ETFA: variants seen among roughly 807,000 people sequenced by gnomAD.
ETFA encodes the protein electron transfer flavoprotein subunit alpha.
ETFA carries 22 observed loss-of-function variants against 46.2 expected under a neutral mutation model. The observed-to-expected ratio is 0.48, with a 90% CI of 0.34 to 0.68. The LOEUF is 0.68. Ranked by LOEUF, ETFA falls within the 30% of genes least tolerant of loss-of-function variation. The pLI, the probability that ETFA is intolerant of heterozygous loss-of-function variation, is 0.01. For synonymous variants in ETFA, 131 were observed against 139.9 expected (o/e 0.94, Z 0.45); for missense variants, 345 against 401.1 (o/e 0.86, Z 1.19).
chr15:76,284,440 C>A, intron 7 of ETFA: 1 of 208,380 alleles, frequency 4.8e-6, no homozygotes, highest in South Asian at 7.7e-5. Context: ...GCCTGACCAA[C>A]ATGCAGAACC....
chr15:76,225,697 G>A, intron 11 of ETFA, 152 bp downstream of exon 11: 1 of 691,152 alleles, frequency 1.4e-6, no homozygotes, highest in Non-Finnish European at 2.6e-6. Flanking sequence ...CTTTAAGTAG[G>A]TCAAAATTGT....
chr15:76,245,099 A>G (rs550482248), intron 9 of ETFA: 1 of 152,334 alleles, frequency 6.6e-6, no homozygotes, highest in East Asian at 1.9e-4. Flanking sequence ...TATATATACA[A>G]ACCACAGTTT....
intron 4 of ETFA, among the ~76,000 whole-genome samples, chr15:76,288,643 C>T (rs961163629): frequency 1.3e-5 from 2 of 148,956 alleles, no homozygotes; most frequent in African/African-American, 5.0e-5. Flanking sequence ...ACCTGGGAGG[C>T]GGAGGTTGCA....
intron 11 of ETFA, among the ~76,000 whole-genome samples, chr15:76,218,806 T>TC (rs1452133906): frequency 4.6e-5 from 7 of 152,172 alleles, no homozygotes; most frequent in Non-Finnish European, 1.0e-4. Context: ...CAAGTATGTT[T>TC]CACTCATTCA....
At chr15:76,262,474 C>CTT (rs60480510) in intron 9 of ETFA, among the ~76,000 whole-genome samples, 28,065 of 84,630 alleles carry the variant, frequency 0.33, 8,172 homozygotes, top group Non-Finnish European at 0.46. Flanking sequence ...ATCAAACCCC[C>CTT]TTTTTTTTTT....
At chr15:76,275,093 G>C (rs1360094731) in intron 8 of ETFA, among the ~76,000 whole-genome samples, 1 of 152,042 alleles carries the variant, frequency 6.6e-6, no homozygotes, top group Admixed American at 6.5e-5. Flanking sequence ...CCACTATCTT[G>C]AGTCAGCCAG....
At chr15:76,285,338 T>C (rs1483380401) in intron 7 of ETFA, among the ~76,000 whole-genome samples, 2 of 152,166 alleles carry the variant, frequency 1.3e-5, no homozygotes. Context: ...AAGCCAACCA[T>C]ACTCTGCAGA....
chr15:76,291,839 C>CAG (rs1034796801), intron 4 of ETFA, among the ~76,000 whole-genome samples: 1 of 152,066 alleles, frequency 6.6e-6, no homozygotes, highest in Non-Finnish European at 1.5e-5. Flanking sequence ...CCCACGGCCA[C>CAG]AGAGAGAGAG....
intron 1 of ETFA, among the ~76,000 whole-genome samples, 162 bp downstream of exon 1, chr15:76,311,188 G>A (rs1255569386): frequency 6.6e-6 from 1 of 152,216 alleles, no homozygotes; most frequent in Non-Finnish European, 1.5e-5. Context: ...AGGGAGTCCA[G>A]GGTAGGCCCC....
intron 9 of ETFA, among the ~76,000 whole-genome samples, chr15:76,249,302 A>G (rs2039273337): frequency 6.6e-6 from 1 of 151,534 alleles, no homozygotes; most frequent in South Asian, 2.1e-4. Flanking sequence ...CTAATTTTGT[A>G]TTTTTAGTAG....
At chr15:76,250,346 A>G (rs947669805) in intron 9 of ETFA, among the ~76,000 whole-genome samples, 2 of 152,086 alleles carry the variant, frequency 1.3e-5, no homozygotes, top group African/African-American at 4.8e-5. Context: ...TAACATTTGT[A>G]TGGTACACGA....
At chr15:76,270,917 C>A (rs950949622) in intron 9 of ETFA, among the ~76,000 whole-genome samples, 3 of 152,096 alleles carry the variant, frequency 2.0e-5, no homozygotes, top group African/African-American at 7.2e-5. Context: ...TGCTTGTAAT[C>A]CCAGCACTTT....
rs1332468827 is a variant in ETFA at position 76,292,680 on chromosome 15, T to C, written c.207A>G (p.Lys69=). Residue 69 remains lysine (K), a synonymous_variant, in exon 3 of 12, where the codon AAA becomes AAG. Transcript: ENST00000557943. ...KCDKVAQDLC[K]VAGIAKVLVA... ...CCAGAACTTTTGCTATGCCTGCTAC[T>C]TTACAGAGATCTTGTGCCACCTATG... 6.2e-7 allele frequency: 1 copy of C among 1,612,642 alleles called. No individual in the cohort carries two copies. Among genetic ancestry groups the C allele is most frequent in the South Asian group, 1.1e-5 (1 of 91,052 alleles).
chr15:76,259,867 C>T (rs1374824413), intron 9 of ETFA: 2 of 1,353,170 alleles, frequency 1.5e-6, no homozygotes, highest in African/African-American at 1.4e-5. Flanking sequence ...GGAAGGCGTG[C>T]AGGTCCCCAT....
chr15:76,300,499 G>A (rs911333107), intron 1 of ETFA, among the ~76,000 whole-genome samples: 4 of 152,034 alleles, frequency 2.6e-5, no homozygotes, highest in East Asian at 3.9e-4. Context: ...TCTCTCCATC[G>A]TCAATGCCAA....
chr15:76,298,109 C>T (rs1239220690), intron 1 of ETFA, among the ~76,000 whole-genome samples: 1 of 151,070 alleles, frequency 6.6e-6, no homozygotes, highest in Non-Finnish European at 1.5e-5. Flanking sequence ...GTGGCGTGCT[C>T]TTGACTCACT....
intron 4 of ETFA, among the ~76,000 whole-genome samples, chr15:76,289,084 T>C (rs933930391): frequency 2.0e-4 from 31 of 151,874 alleles, no homozygotes; most frequent in African/African-American, 7.5e-4. Context: ...TGCGTCCAGC[T>C]CATTTTTTGG....
At chr15:76,247,364 C>A (rs2039253010) in intron 9 of ETFA, among the ~76,000 whole-genome samples, 1 of 152,180 alleles carries the variant, frequency 6.6e-6, no homozygotes, top group East Asian at 1.9e-4. Flanking sequence ...CACAAGGAGA[C>A]ATACATTTTT....
intron 9 of ETFA, among the ~76,000 whole-genome samples, chr15:76,262,933 A>C (rs916305444): frequency 2.0e-5 from 3 of 152,174 alleles, no homozygotes; most frequent in Non-Finnish European, 2.9e-5. Context: ...GCTGGGGGGA[A>C]CTATACCTGA....
Sources: gnomAD v4.1 joint callset for allele counts (sites outside exome capture counted in the v4.1 genomes callset) on GRCh38, gnomAD v4.1.1 for gene constraint, MANE v1.5 for transcripts, NCBI Gene and HGNC (gene_info 2026-07-23, HGNC 2026-07-21) for gene names.